MED12L: variants seen among roughly 807,000 people sequenced by gnomAD.
MED12L encodes the protein mediator complex subunit 12L.
A neutral mutation model predicts 281.3 loss-of-function variants in MED12L; 60 were observed. The ratio of observed to expected loss-of-function variants is 0.21; its 90% CI spans 0.17 to 0.26. MED12L has a LOEUF of 0.26. MED12L is among the 10% of genes least tolerant of loss of function. The pLI, the probability that MED12L is intolerant of heterozygous loss-of-function variation, is 1.00. For missense variants in MED12L, 2,146 were observed against 2,680.9 expected (o/e 0.80, Z 4.41); for synonymous variants, 974 against 987.2 (o/e 0.99, Z 0.25).
At chr3:151,368,760 A>ATTT (rs201834162) in intron 25 of MED12L, among the ~76,000 whole-genome samples, 1 of 80,314 alleles carries the variant, frequency 1.2e-5, no homozygotes, top group Non-Finnish European at 2.6e-5. Flanking sequence ...ATGTCATTTC[A>ATTT]TTTTTTTTTT....
At position 151,214,212 on chromosome 3, in the gene MED12L, T is replaced by C. The variant is rs16863248; in HGVS notation, c.2250+20546T>C. 25,072 of 1,613,808 alleles carry C rather than the reference T, an allele frequency of 0.016. 1,664 individuals are homozygous for C. In the African/African-American group the frequency reaches 0.18, roughly 12 times the overall value. ...CTGACACTCCATTGAGTAGGATTCCTGCAATGAAGACCATACAGTACAGCA... is the reference window on the plus strand; with the variant it reads ...CTGACACTCCATTGAGTAGGATTCCCGCAATGAAGACCATACAGTACAGCA... On this transcript the variant is annotated intron_variant, in intron 16 of 44. Transcript: ENST00000687756.
chr3:151,429,205 T>C (rs1162861537), intron 43 of MED12L, among the ~76,000 whole-genome samples: 2 of 152,048 alleles, frequency 1.3e-5, no homozygotes, highest in African/African-American at 2.4e-5. Context: ...TGGAGGAAAA[T>C]TGGCAAAAAC....
intron 2 of MED12L, among the ~76,000 whole-genome samples, chr3:151,102,388 G>A (rs1017713045): frequency 3.3e-5 from 5 of 152,156 alleles, no homozygotes; most frequent in African/African-American, 1.2e-4. Flanking sequence ...GGTTTACCAG[G>A]GGAAATTTGT....
chr3:151,147,640 A>G (rs1027920224), intron 5 of MED12L, among the ~76,000 whole-genome samples: 1 of 152,186 alleles, frequency 6.6e-6, no homozygotes, highest in Non-Finnish European at 1.5e-5. Context: ...GGCTTGTTTC[A>G]GTTAGTGTAT....
intron 16 of MED12L, among the ~76,000 whole-genome samples, chr3:151,319,798 A>G (rs1748774884): frequency 1.3e-5 from 2 of 152,168 alleles, no homozygotes; most frequent in South Asian, 4.1e-4. Flanking sequence ...TACTCAAAAT[A>G]CAACAAACTG....
At position 151,300,730 on chromosome 3, in the gene MED12L, C is replaced by A. The variant is rs147937721; in HGVS notation, c.2251-49329C>A. On this transcript the variant is annotated intron_variant, in intron 16 of 44. Transcript: ENST00000687756. ...TGTTGCTTAAAGAGACCCCAGGTAA[C>A]CTCATTCTGTCCAATCACAAAGCAA... is the stretch of plus-strand genomic sequence containing the variant. Among the ~76,000 whole-genome samples, 35 of 152,316 alleles carry A rather than the reference C, an allele frequency of 2.3e-4. No individual in the cohort carries two copies. In the East Asian group the frequency reaches 6.4e-3, roughly 28 times the overall value.
intron 16 of MED12L, among the ~76,000 whole-genome samples, chr3:151,319,450 G>GGTGTGT (rs745624176): frequency 1.6e-5 from 2 of 126,932 alleles, no homozygotes; most frequent in Admixed American, 1.7e-4. Context: ...AGAACATCCA[G>GGTGTGT]GTGTGTGTGT....
rs988041623 is a variant in MED12L at position 151,315,450 on chromosome 3, G to A, written c.2251-34609G>A. Among the ~76,000 whole-genome samples the A allele has an allele frequency of 3.7e-4, 56 of 152,210 alleles. 1 individual carries two copies. Among genetic ancestry groups the A allele is most frequent in the African/African-American group, 1.1e-3 (47 of 41,504 alleles). On this transcript the variant is annotated intron_variant, in intron 16 of 44. Transcript: ENST00000687756. ...GTCTTCATGAAATAAAGATTTTCTG[G>A]CGGGATACTTTCTTTTTATAGGCTG...
At chr3:151,214,719 T>G (rs1727860708) in intron 16 of MED12L, among the ~76,000 whole-genome samples, 1 of 152,242 alleles carries the variant, frequency 6.6e-6, no homozygotes, top group East Asian at 1.9e-4. Context: ...TGAGAACTTC[T>G]AGGTAATACG....
chr3:151,144,806 C>T (rs1717543097), intron 5 of MED12L, among the ~76,000 whole-genome samples: 1 of 152,304 alleles, frequency 6.6e-6, no homozygotes, highest in African/African-American at 2.4e-5. Flanking sequence ...CCCAGAGGAA[C>T]AGTCCTGTCA....
At chr3:151,343,597 A>G (rs1449464015) in intron 16 of MED12L, among the ~76,000 whole-genome samples, 1 of 151,722 alleles carries the variant, frequency 6.6e-6, no homozygotes, top group Non-Finnish European at 1.5e-5. Context: ...CAAGTTATAG[A>G]TACTTTAATC....
At chr3:151,195,045 C>T (rs539742313) in intron 16 of MED12L, among the ~76,000 whole-genome samples, 3 of 152,220 alleles carry the variant, frequency 2.0e-5, no homozygotes, top group East Asian at 3.9e-4. Context: ...CGCCTGTAGT[C>T]GCAGCTTCTC....
At chr3:151,293,947 G>A in intron 16 of MED12L, 1 of 522,594 alleles carries the variant, frequency 1.9e-6, no homozygotes, top group Non-Finnish European at 3.4e-6. Context: ...CTTTCACTCT[G>A]CTCCTCAGAC....
intron 5 of MED12L, among the ~76,000 whole-genome samples, chr3:151,135,514 G>T (rs959751767): frequency 6.6e-6 from 1 of 152,180 alleles, no homozygotes; most frequent in African/African-American, 2.4e-5. Context: ...TTGCAATGTA[G>T]GTTTCATTAT....
rs901790782 is a variant in MED12L at position 151,289,441 on chromosome 3, C to T, written c.2251-60618C>T. 3.9e-5 allele frequency among the ~76,000 whole-genome samples: 6 copies of T among 152,176 alleles called. No homozygotes were observed. In the South Asian group the frequency reaches 6.2e-4, roughly 16 times the overall value. ...GAAGAAGTCAAGAACTATTCAAGGA[C>T]GTATGATATGGTTCAGGTTTTTTGC... On this transcript the variant is annotated intron_variant, in intron 16 of 44. Transcript: ENST00000687756.
intron 11 of MED12L, among the ~76,000 whole-genome samples, chr3:151,168,587 C>T (rs1453381886): frequency 6.6e-6 from 1 of 152,178 alleles, no homozygotes; most frequent in East Asian, 1.9e-4. Context: ...GACTCAACTT[C>T]AGAAAGACTT....
At chr3:151,417,338 G>A (rs11714493) in intron 43 of MED12L, among the ~76,000 whole-genome samples, 71,260 of 151,876 alleles carry the variant, frequency 0.47, 17,494 homozygotes, top group Middle Eastern at 0.56. Flanking sequence ...GATAGTACAT[G>A]TGGAGGGATC....
At chr3:151,320,264 A>G (rs1748840849) in intron 16 of MED12L, among the ~76,000 whole-genome samples, 1 of 152,214 alleles carries the variant, frequency 6.6e-6, no homozygotes, top group Non-Finnish European at 1.5e-5. Flanking sequence ...AAAGGGCGTC[A>G]TAGTCCTTTA....
At position 151,190,939 on chromosome 3, in the gene MED12L, C is replaced by T. The variant is rs1723892726; in HGVS notation, c.1968+8C>T. The stretch of plus-strand genomic sequence containing the variant: ...CATGATGTGAAAATGGAGGTATGGC[C>T]CTGGATATGATGCCCCACTCCCCCA... On this transcript the variant is annotated splice_region_variant and intron_variant, in intron 14 of 44. Transcript: ENST00000687756. 1.2e-6 allele frequency: 2 copies of T among 1,612,472 alleles called. No individual in the cohort carries two copies. The highest frequency in any genetic ancestry group is 2.2e-5 in the East Asian group (1 of 44,862).
Sources: gnomAD v4.1 joint callset for allele counts (sites outside exome capture counted in the v4.1 genomes callset) on GRCh38, gnomAD v4.1.1 for gene constraint, MANE v1.5 for transcripts, NCBI Gene and HGNC (gene_info 2026-07-23, HGNC 2026-07-21) for gene names.